The following WWOX variants were observed in gnomAD, a reference collection of about 807,000 sequenced individuals.
WWOX encodes WW domain containing oxidoreductase, also known as WW domain-containing oxidoreductase.
A neutral mutation model predicts 46.2 loss-of-function variants in WWOX; 69 were observed. The ratio of observed to expected loss-of-function variants is 1.49; its 90% CI spans 1.23 to 1.82. The LOEUF is 1.82. Among genes scored for constraint, WWOX ranks in the 40% most tolerant of loss-of-function variants. The pLI, the probability that WWOX is intolerant of heterozygous loss-of-function variation, is 0.00. For missense variants in WWOX, 919 were observed against 542.6 expected (o/e 1.69, Z -6.89); for synonymous variants, 359 against 202.6 (o/e 1.77, Z -6.56).
intron 8 of WWOX, among the ~76,000 whole-genome samples, chr16:78,684,173 C>G (rs894472409): frequency 6.6e-6 from 1 of 152,256 alleles, no homozygotes; most frequent in African/African-American, 2.4e-5. Context: ...TCCCAATTCC[C>G]TAGCGCAGAA....
At chr16:78,531,724 G>T (rs2043626866) in intron 8 of WWOX, among the ~76,000 whole-genome samples, 1 of 152,068 alleles carries the variant, frequency 6.6e-6, no homozygotes, top group South Asian at 2.1e-4. Context: ...CGGTTTAGGT[G>T]ATGTGTGTCT....
intron 8 of WWOX, chr16:78,535,685 C>T (rs751161033): frequency 3.9e-5 from 6 of 152,192 alleles, no homozygotes; most frequent in Admixed American, 2.0e-4. Flanking sequence ...TCATTAATCT[C>T]GTCTTCTTTG....
At chr16:78,431,125 ATGT>A (rs757926293) in intron 7 of WWOX, among the ~76,000 whole-genome samples, 1 of 151,982 alleles carries the variant, frequency 6.6e-6, no homozygotes, top group African/African-American at 2.4e-5. Flanking sequence ...AGTCACTATA[ATGT>A]TGTTATTTAA....
At chr16:78,605,367 A>C (rs2045730240) in intron 8 of WWOX, among the ~76,000 whole-genome samples, 1 of 152,008 alleles carries the variant, frequency 6.6e-6, no homozygotes, top group Non-Finnish European at 1.5e-5. Context: ...TCCTTAAAAA[A>C]AAAAAAATCC....
chr16:78,665,501 A>T (rs543044703), intron 8 of WWOX, among the ~76,000 whole-genome samples: 151 of 152,238 alleles, frequency 9.9e-4, no homozygotes, highest in African/African-American at 3.5e-3. Flanking sequence ...TGGGGGCAAG[A>T]GACGTGTGTC....
At chr16:78,386,787 A>T in intron 5 of WWOX, 73 bp from the exon 6 acceptor site, 2 of 1,329,346 alleles carry the variant, frequency 1.5e-6, no homozygotes, top group Non-Finnish European at 2.2e-6. Context: ...TCCATAACAC[A>T]TTTACTGTAA....
In WWOX at chr16:79,177,307, T is replaced by C. The variant is rs547156337; in HGVS notation, c.1057-34301T>C. Among the ~76,000 whole-genome samples the C allele has an allele frequency of 3.8e-3, 581 of 152,296 alleles. 1 individual carries two copies. The highest frequency in any genetic ancestry group is 0.013 in the African/African-American group (551 of 41,562). ...TTTATTCCTCGCCTGGCCTCATTGC[T>C]CGCTTCGTTTCGGAGGAAATTTTCC... On this transcript the variant is annotated intron_variant, in intron 8 of 8. Transcript: ENST00000566780.
At chr16:79,091,583 A>G (rs1392108273) in intron 8 of WWOX, among the ~76,000 whole-genome samples, 1 of 152,060 alleles carries the variant, frequency 6.6e-6, no homozygotes, top group Non-Finnish European at 1.5e-5. Flanking sequence ...ACCCCAGAAC[A>G]ATCTGGGGGA....
intron 5 of WWOX, chr16:78,266,944 G>A (rs2079378805): frequency 6.6e-6 from 1 of 152,186 alleles, no homozygotes; most frequent in Middle Eastern, 3.4e-3. Flanking sequence ...CCCAAGGTGA[G>A]GTAACTGAAT....
chr16:78,607,686 G>C (rs1238124632), intron 8 of WWOX, among the ~76,000 whole-genome samples: 2 of 149,100 alleles, frequency 1.3e-5, no homozygotes, highest in Non-Finnish European at 3.0e-5. Flanking sequence ...GAGGATATAG[G>C]GGCCCTTAAG....
intron 8 of WWOX, among the ~76,000 whole-genome samples, chr16:78,849,281 C>A (rs1447843178): frequency 6.6e-6 from 1 of 152,096 alleles, no homozygotes; most frequent in Non-Finnish European, 1.5e-5. Context: ...TCAAAAAACA[C>A]AACGACAGGC....
At chr16:78,281,786 A>G (rs963510021) in intron 5 of WWOX, among the ~76,000 whole-genome samples, 10 of 152,302 alleles carry the variant, frequency 6.6e-5, no homozygotes, top group Admixed American at 1.3e-4. Context: ...GTATAAGAAC[A>G]CAGCCGTGTT....
intron 8 of WWOX, among the ~76,000 whole-genome samples, chr16:78,854,423 G>C (rs2052521367): frequency 6.6e-6 from 1 of 152,180 alleles, no homozygotes; most frequent in Non-Finnish European, 1.5e-5. Context: ...GAGTTCAGGA[G>C]ATGAAGACTG....
chr16:79,016,221 C>G (rs2047409298), intron 8 of WWOX: 1 of 152,176 alleles, frequency 6.6e-6, no homozygotes, highest in Admixed American at 6.5e-5. Context: ...ACCTTGTACC[C>G]CAATGAGTAC....
chr16:78,868,384 G>C (rs1389109907), intron 8 of WWOX, among the ~76,000 whole-genome samples: 2 of 152,086 alleles, frequency 1.3e-5, no homozygotes, highest in African/African-American at 4.8e-5. Flanking sequence ...AGTGAGTGGA[G>C]GGGATTACCT....
At chr16:78,920,396 G>A (rs2045351721) in intron 8 of WWOX, among the ~76,000 whole-genome samples, 1 of 152,110 alleles carries the variant, frequency 6.6e-6, no homozygotes, top group Non-Finnish European at 1.5e-5. Context: ...CCTTGTGACT[G>A]TTTTCTGTCT....
intron 8 of WWOX, among the ~76,000 whole-genome samples, chr16:78,788,382 C>T (rs2050508890): frequency 6.6e-6 from 1 of 152,174 alleles, no homozygotes; most frequent in Non-Finnish European, 1.5e-5. Context: ...TTCACCTGCC[C>T]CAAGGCAGGA....
intron 8 of WWOX, among the ~76,000 whole-genome samples, chr16:78,810,556 T>G (rs910082883): frequency 6.6e-6 from 1 of 152,234 alleles, no homozygotes; most frequent in East Asian, 1.9e-4. Context: ...AACAACTGAT[T>G]AAAGCATTTC....
intron 8 of WWOX, among the ~76,000 whole-genome samples, chr16:78,655,723 G>A (rs947260309): frequency 1.3e-5 from 2 of 152,084 alleles, no homozygotes; most frequent in African/African-American, 4.8e-5. Flanking sequence ...CCTGGCTGTG[G>A]TTCCTATTAT....
Sources: gnomAD v4.1 joint callset for allele counts (sites outside exome capture counted in the v4.1 genomes callset) on GRCh38, gnomAD v4.1.1 for gene constraint, MANE v1.5 for transcripts, NCBI Gene and HGNC (gene_info 2026-07-23, HGNC 2026-07-21) for gene names.